Variants in FRAS1 observed in about 807,000 individuals in gnomAD.
The protein encoded by FRAS1 is Fraser extracellular matrix complex subunit 1.
In FRAS1, 290 loss-of-function variants were observed where a neutral mutation model predicts 435.2. The observed-to-expected ratio is 0.67, with a 90% CI of 0.61 to 0.73. FRAS1 has a LOEUF of 0.73. FRAS1 is among the 30% of genes least tolerant of loss of function. The pLI is 0.00. For missense variants in FRAS1, 4,860 were observed against 5,001.5 expected (o/e 0.97, Z 0.85); for synonymous variants, 1,800 against 1,851.0 (o/e 0.97, Z 0.71).
intron 47 of FRAS1, among the ~76,000 whole-genome samples, chr4:78,455,225 C>G (rs919787285): frequency 2.6e-5 from 4 of 152,102 alleles, no homozygotes; most frequent in African/African-American, 9.7e-5. Context: ...CCTTCCCTAC[C>G]TCCCCGGCTC....
chr4:78,217,098 TAGG>T (rs1304406030), intron 2 of FRAS1, among the ~76,000 whole-genome samples: 2 of 151,800 alleles, frequency 1.3e-5, no homozygotes, highest in African/African-American at 2.4e-5. Context: ...GATAGATAGA[TAGG>T]AGATTTATTA....
Position 78,419,034 on chromosome 4 carries a change from A to G in FRAS1, c.4511A>G (p.Asn1504Ser). The change falls in exon 33 of 74, where the codon AAC becomes AGC. Residue 1504 changes from asparagine (N) to serine (S), a missense_variant. By Grantham distance (46) the Asn-to-Ser change is conservative (BLOSUM62 1). Coordinates refer to ENST00000512123, the MANE Select transcript of FRAS1 (RefSeq NM_025074.7). ...SEKPSGKIVY[N>S]ITLPLHPNQG... ...AAGCCAAGTGGAAAGATTGTCTACAACATCACTCTACCTCTGCATCCAAAT... is the reference window on the plus strand; with the variant it reads ...AAGCCAAGTGGAAAGATTGTCTACAGCATCACTCTACCTCTGCATCCAAAT... 1.3e-6 allele frequency: 2 copies of G among 1,589,842 alleles called. No individual in the cohort carries two copies. The highest frequency in any genetic ancestry group is 1.2e-5 in the South Asian group (1 of 85,562).
At chr4:78,284,951 C>T (rs923882424) in intron 13 of FRAS1, among the ~76,000 whole-genome samples, 2 of 152,216 alleles carry the variant, frequency 1.3e-5, no homozygotes, top group Non-Finnish European at 2.9e-5. Flanking sequence ...AGATCATTTA[C>T]TGCAACTTTC....
chr4:78,364,985 T>G (rs566471581), intron 22 of FRAS1, among the ~76,000 whole-genome samples: 1 of 152,084 alleles, frequency 6.6e-6, no homozygotes, highest in Non-Finnish European at 1.5e-5. Context: ...CCTCAGTTTC[T>G]TTTTTTTGTA....
chr4:78,104,503 A>G (rs1742291618), intron 2 of FRAS1, among the ~76,000 whole-genome samples: 1 of 152,224 alleles, frequency 6.6e-6, no homozygotes, highest in Non-Finnish European at 1.5e-5. Context: ...TGTCTTATTC[A>G]TTTGAATAAA....
In FRAS1 at chr4:78,470,096, G is replaced by C; in HGVS notation, c.7371+5G>C. The C allele has an allele frequency of 6.3e-7, 1 of 1,594,122 alleles. No homozygotes were observed. Among genetic ancestry groups the C allele is most frequent in the East Asian group, 2.2e-5 (1 of 44,590 alleles). ...CTGGAATACATGGATGGCAAGGTAAGGCCTGTCCCTCTGTCATGTTCACAC... is the reference window on the plus strand; with the variant it reads ...CTGGAATACATGGATGGCAAGGTAACGCCTGTCCCTCTGTCATGTTCACAC... On this transcript the variant is annotated splice_donor_5th_base_variant and intron_variant, in intron 51 of 73. Transcript: ENST00000512123.
intron 2 of FRAS1, among the ~76,000 whole-genome samples, chr4:78,105,251 A>G (rs1742339928): frequency 6.6e-6 from 1 of 152,098 alleles, no homozygotes; most frequent in South Asian, 2.1e-4. Flanking sequence ...TGGACTGTTG[A>G]TTTTACCTGA....
intron 10 of FRAS1, 23 bp downstream of exon 10, chr4:78,278,767 A>G: frequency 7.5e-7 from 1 of 1,328,266 alleles, no homozygotes; most frequent in Non-Finnish European, 1.1e-6. Context: ...CTTATAACCG[A>G]AGATGATTTC....
At chr4:78,115,139 T>G (rs1743055779) in intron 2 of FRAS1, among the ~76,000 whole-genome samples, 1 of 151,324 alleles carries the variant, frequency 6.6e-6, no homozygotes, top group Non-Finnish European at 1.5e-5. Context: ...GTTTATTGAT[T>G]TTTGTATGTT....
rs1259049165 is a variant in FRAS1 at position 78,302,706 on chromosome 4, GT to G, written c.1535-5351del. On this transcript the variant is annotated intron_variant, in intron 14 of 73. Transcript: ENST00000512123. ...CACCCACTTTTTGATGGGGTTGTTT[GT>G]TTTTTTTTCTTGTAAATTTGTTTGA... 3.4e-5 allele frequency among the ~76,000 whole-genome samples: 5 copies of G among 148,130 alleles called. No homozygotes were observed. In the South Asian group the frequency reaches 6.5e-4, roughly 19 times the overall value.
intron 2 of FRAS1, among the ~76,000 whole-genome samples, chr4:78,199,154 A>G (rs375734561): frequency 3.1e-4 from 47 of 152,340 alleles, no homozygotes; most frequent in African/African-American, 1.1e-3. Flanking sequence ...GGTAGTAGGC[A>G]TATTTGTTGA....
chr4:78,258,127 G>GA (rs747544947), intron 6 of FRAS1, among the ~76,000 whole-genome samples: 1 of 152,064 alleles, frequency 6.6e-6, no homozygotes, highest in East Asian at 1.9e-4. Flanking sequence ...AATTGCTTGA[G>GA]CCCAGGAGTT....
intron 2 of FRAS1, among the ~76,000 whole-genome samples, chr4:78,135,233 C>T (rs1252930127): frequency 6.6e-6 from 1 of 152,106 alleles, no homozygotes; most frequent in Non-Finnish European, 1.5e-5. Context: ...GTCAGTCTTC[C>T]TCTTTCCTTC....
intron 2 of FRAS1, among the ~76,000 whole-genome samples, chr4:78,093,554 T>A (rs1159872799): frequency 1.3e-5 from 2 of 152,234 alleles, no homozygotes; most frequent in Non-Finnish European, 2.9e-5. Flanking sequence ...ATTGTTTTTA[T>A]CTGAAGAAAA....
Position 78,181,028 on chromosome 4 carries a change from C to T in FRAS1, c.109-56482C>T, listed in dbSNP as rs546125687. 115 of 1,589,886 alleles carry T rather than the reference C, an allele frequency of 7.2e-5. No homozygotes were observed. The African/African-American group carries it at 1.4e-3, about 20-fold the overall frequency. On this transcript the variant is annotated intron_variant, in intron 2 of 73. Coordinates refer to ENST00000512123, the MANE Select transcript of FRAS1 (RefSeq NM_025074.7). ...GGCCAAGGTCTCCAAAATTGATCTC[C>T]AGCTGAGACGTTATATCATTTGCTG...
In FRAS1 at chr4:78,108,865, G is replaced by GA. The variant is rs527446797; in HGVS notation, c.108+42856dup. ...GATAGACCGCTAGCAAGATGACAAA[G>GA]AAAAAAAGAGAGAAGAATCAAATAG... On this transcript the variant is annotated intron_variant, in intron 2 of 73. Coordinates refer to ENST00000512123, the MANE Select transcript of FRAS1 (RefSeq NM_025074.7). 1.4e-4 allele frequency among the ~76,000 whole-genome samples: 18 copies of GA among 129,398 alleles called. 1 individual carries two copies. Among genetic ancestry groups the GA allele is most frequent in the Middle Eastern group, 3.9e-3 (1 of 256 alleles). 84.9% of individuals were successfully genotyped at this position (129,398 alleles called of 152,430 possible).
At chr4:78,334,435 A>G (rs1359567673) in intron 19 of FRAS1, among the ~76,000 whole-genome samples, 2 of 129,192 alleles carry the variant, frequency 1.5e-5, no homozygotes, top group Non-Finnish European at 3.0e-5. Context: ...CAGTGGCACG[A>G]TCTCAGCTCA....
chr4:78,268,106 C>A lies in FRAS1; in HGVS notation c.981+674C>A, dbSNP rs184320059. On this transcript the variant is annotated intron_variant, in intron 9 of 73. Coordinates refer to ENST00000512123, the MANE Select transcript of FRAS1 (RefSeq NM_025074.7). ...TTTTGACCCATTACAAAACAAATTGCTTTTAAAGTTGTCTCCGTCTCTCTC... is the reference window on the plus strand; with the variant it reads ...TTTTGACCCATTACAAAACAAATTGATTTTAAAGTTGTCTCCGTCTCTCTC... Among the ~76,000 whole-genome samples the A allele has an allele frequency of 1.7e-3, 256 of 152,182 alleles. 2 individuals carry two copies. Among genetic ancestry groups the A allele is most frequent in the Non-Finnish European group, 3.3e-3 (226 of 67,998 alleles).
At chr4:78,103,799 C>T (rs1213587347) in intron 2 of FRAS1, among the ~76,000 whole-genome samples, 1 of 152,204 alleles carries the variant, frequency 6.6e-6, no homozygotes, top group East Asian at 1.9e-4. Context: ...GACTTCCAGC[C>T]TCCAGAACTA....
Sources: gnomAD v4.1 joint callset for allele counts (sites outside exome capture counted in the v4.1 genomes callset) on GRCh38, gnomAD v4.1.1 for gene constraint, MANE v1.5 for transcripts, NCBI Gene and HGNC (gene_info 2026-07-23, HGNC 2026-07-21) for gene names.